Variants in ERC2 observed in about 807,000 individuals in gnomAD.
ERC2 encodes ELKS/RAB6-interacting/CAST family member 2, also known as ERC protein 2.
ERC2 carries 42 observed loss-of-function variants against 114.8 expected under a neutral mutation model. The observed-to-expected ratio is 0.37, with a 90% CI of 0.29 to 0.47. The LOEUF (loss-of-function observed/expected upper bound fraction) is 0.47, where lower values mean the gene tolerates loss of function less well. Among genes scored for constraint, ERC2 ranks in the 20% least tolerant of loss-of-function variants. The pLI is 0.99. For missense variants in ERC2, 939 were observed against 1,150.7 expected (o/e 0.82, Z 2.66); for synonymous variants, 454 against 425.5 (o/e 1.07, Z -0.82).
chr3:55,870,594 A>ATTT, intron 14 of ERC2, among the ~76,000 whole-genome samples: 1 of 152,256 alleles, frequency 6.6e-6, no homozygotes, highest in Non-Finnish European at 1.5e-5. Context: ...GTGTAGGGCC[A>ATTT]AGATTCAAAT....
At chr3:55,954,371 T>C (rs973871588) in intron 12 of ERC2, among the ~76,000 whole-genome samples, 1 of 152,162 alleles carries the variant, frequency 6.6e-6, no homozygotes, top group Admixed American at 6.5e-5. Flanking sequence ...CAACAATGAC[T>C]ACCATATTAA....
chr3:55,537,783 G>A, intron 17 of ERC2, among the ~76,000 whole-genome samples: 1 of 150,280 alleles, frequency 6.7e-6, no homozygotes, highest in South Asian at 2.1e-4. Context: ...CACAGGTCAT[G>A]AGGACACATT....
At chr3:56,011,772 T>C (rs2072959977) in intron 8 of ERC2, among the ~76,000 whole-genome samples, 1 of 152,156 alleles carries the variant, frequency 6.6e-6, no homozygotes. Context: ...TGGCCAAGGA[T>C]CCTGATACTA....
chr3:56,463,298 G>T (rs1163372896), intron 1 of ERC2, among the ~76,000 whole-genome samples: 1 of 152,158 alleles, frequency 6.6e-6, no homozygotes, highest in African/African-American at 2.4e-5. Context: ...TGCCCCTCCA[G>T]GCATTGCACC....
intron 13 of ERC2, among the ~76,000 whole-genome samples, chr3:55,912,290 G>A (rs907367783): frequency 5.3e-5 from 8 of 152,164 alleles, no homozygotes; most frequent in Non-Finnish European, 5.9e-5. Context: ...TTGCCAGTGC[G>A]AGTGAGAAAG....
At chr3:56,405,270 C>A (rs2060670968) in intron 2 of ERC2, among the ~76,000 whole-genome samples, 1 of 152,066 alleles carries the variant, frequency 6.6e-6, no homozygotes, top group African/African-American at 2.4e-5. Context: ...ATAGTGCAAC[C>A]TTATCTCTAC....
intron 3 of ERC2, among the ~76,000 whole-genome samples, chr3:56,261,276 A>C (rs1456239165): frequency 6.6e-6 from 1 of 152,168 alleles, no homozygotes; most frequent in Admixed American, 6.5e-5. Flanking sequence ...CCTCTTAAAC[A>C]CTCCAGAACA....
chr3:56,061,342 G>C lies in ERC2; in HGVS notation c.1641+19475C>G, dbSNP rs551795678. The stretch of plus-strand genomic sequence containing the variant: ...CTCAGGCTCTTTCTCTATTGACCTT[G>C]TAAGCATTTCGAATGTGATTTTCTA... On this transcript the variant is annotated intron_variant, in intron 7 of 17. Transcript: ENST00000288221. 7.2e-5 allele frequency among the ~76,000 whole-genome samples: 11 copies of C among 152,250 alleles called. No homozygotes were observed. The East Asian group carries it at 2.1e-3, about 29-fold the overall frequency.
At chr3:55,775,136 A>G (rs934785035) in intron 14 of ERC2, among the ~76,000 whole-genome samples, 1 of 152,136 alleles carries the variant, frequency 6.6e-6, no homozygotes, top group Non-Finnish European at 1.5e-5. Context: ...CAGCTTTCCA[A>G]CTACCCAACT....
At chr3:55,590,008 AC>A (rs1198814843) in intron 17 of ERC2, among the ~76,000 whole-genome samples, 2 of 152,176 alleles carry the variant, frequency 1.3e-5, no homozygotes, top group African/African-American at 4.8e-5. Context: ...CTCAAAAAAA[AC>A]CTTTTAAAAA....
intron 17 of ERC2, among the ~76,000 whole-genome samples, chr3:55,565,548 C>T (rs1428453423): frequency 1.3e-5 from 2 of 152,016 alleles, no homozygotes; most frequent in East Asian, 1.9e-4. Context: ...GGTACTCCTT[C>T]CCAGCCTGCT....
At chr3:55,823,147 C>A (rs2060195231) in intron 14 of ERC2, among the ~76,000 whole-genome samples, 1 of 152,132 alleles carries the variant, frequency 6.6e-6, no homozygotes, top group East Asian at 1.9e-4. Flanking sequence ...CATTTTAAGT[C>A]CATTGTAATT....
chr3:55,817,226 C>T (rs1350617455), intron 14 of ERC2, among the ~76,000 whole-genome samples: 1 of 152,206 alleles, frequency 6.6e-6, no homozygotes, highest in East Asian at 1.9e-4. Context: ...GTCACTTTCC[C>T]AAGGTCAAAA....
At chr3:55,905,945 T>C (rs1406729030) in intron 13 of ERC2, among the ~76,000 whole-genome samples, 3 of 152,170 alleles carry the variant, frequency 2.0e-5, no homozygotes, top group Non-Finnish European at 1.5e-5. Context: ...CAGCTCCAAG[T>C]TGGATTTCCT....
intron 7 of ERC2, among the ~76,000 whole-genome samples, chr3:56,057,536 C>T (rs919667527): frequency 2.6e-5 from 4 of 152,170 alleles, no homozygotes; most frequent in African/African-American, 7.2e-5. Flanking sequence ...ATGGTTCTTT[C>T]GCCTAAGATG....
At chr3:55,994,802 T>C (rs1456822283) in intron 10 of ERC2, among the ~76,000 whole-genome samples, 1 of 152,078 alleles carries the variant, frequency 6.6e-6, no homozygotes, top group Non-Finnish European at 1.5e-5. Context: ...TGAAATCAGA[T>C]GAATTCATAG....
chr3:55,565,951 C>G (rs372298873), intron 17 of ERC2, among the ~76,000 whole-genome samples: 2 of 152,190 alleles, frequency 1.3e-5, no homozygotes, highest in African/African-American at 4.8e-5. Context: ...TCTCAAATTC[C>G]AAATTTCTTC....
At chr3:56,397,488 A>G (rs1343783611) in intron 2 of ERC2, among the ~76,000 whole-genome samples, 1 of 152,170 alleles carries the variant, frequency 6.6e-6, no homozygotes, top group East Asian at 1.9e-4. Flanking sequence ...AAATTGTAGC[A>G]TGCACTCTGT....
At chr3:56,156,348 TAATTGGA>T (rs2081720326) in intron 4 of ERC2, among the ~76,000 whole-genome samples, 1 of 152,168 alleles carries the variant, frequency 6.6e-6, no homozygotes, top group Admixed American at 6.5e-5. Flanking sequence ...TGTGTTGCCA[TAATTGGA>T]AACTGAACCC....
Sources: allele counts gnomAD v4.1 joint callset (sites outside exome capture counted in the v4.1 genomes callset), GRCh38; gene constraint gnomAD v4.1.1; transcripts MANE v1.5; gene names NCBI Gene and HGNC (gene_info 2026-07-23, HGNC 2026-07-21).